ENOPH1: variants seen among roughly 807,000 people sequenced by gnomAD.
The protein encoded by ENOPH1 is enolase-phosphatase E1.
In ENOPH1, 14 loss-of-function variants were observed where a neutral mutation model predicts 31.1. The observed-to-expected ratio is 0.45, with a 90% CI of 0.30 to 0.70. ENOPH1 has a LOEUF of 0.70. ENOPH1 is among the 30% of genes least tolerant of loss of function. ENOPH1 has a pLI of 0.09. For synonymous variants in ENOPH1, 127 were observed against 123.2 expected (o/e 1.03, Z -0.21); for missense variants, 243 against 321.5 (o/e 0.76, Z 1.87).
rs1722237876 is a variant in ENOPH1 at position 82,447,938 on chromosome 4, A to G, written c.103A>G (p.Ile35Val). 9 of 1,607,996 alleles carry G rather than the reference A, an allele frequency of 5.6e-6. No individual in the cohort carries two copies. In the East Asian group the frequency reaches 2.0e-4, roughly 36 times the overall value. Residue 35 changes from isoleucine to valine, a missense_variant, in exon 2 of 6, where the codon ATC becomes GTC. Ile to Val is a conservative substitution (Grantham distance 29). Coordinates refer to ENST00000273920, the MANE Select transcript of ENOPH1 (RefSeq NM_021204.5). ...AFVKDILFPY[I>V]EENVKEYLQT... ...TATCCAGGACATTTTATTTCCTTAC[A>G]TCGAAGAAAATGTTAAAGAGTATCT...
chr4:82,455,819 A>G (rs970513093), intron 4 of ENOPH1, among the ~76,000 whole-genome samples: 16 of 152,166 alleles, frequency 1.1e-4, no homozygotes, highest in African/African-American at 3.9e-4. Flanking sequence ...TTAACTTACA[A>G]TAGGTAACTT....
chr4:82,457,523 A>C (rs762039490), intron 5 of ENOPH1, among the ~76,000 whole-genome samples: 6 of 152,162 alleles, frequency 3.9e-5, no homozygotes, highest in Non-Finnish European at 8.8e-5. Context: ...AAAAAGAATG[A>C]ACCAACTCTG....
chr4:82,451,065 A>G lies in ENOPH1; in HGVS notation c.209A>G (p.Asp70Gly), dbSNP rs1439727068. ...RKQAEEDAHL[D>G]GAVPIPAASG... ...AAGGCTGAAGAGGACGCCCACCTGGATGGGGCTGTTCCTATCCCTGCAGCA... is the reference window on the plus strand; with the variant it reads ...AAGGCTGAAGAGGACGCCCACCTGGGTGGGGCTGTTCCTATCCCTGCAGCA... Residue 70 changes from aspartate (D) to glycine (G), a missense_variant, in exon 3 of 6, where the codon GAT becomes GGT. By Grantham distance (94) the Asp-to-Gly change is moderately conservative. Transcript: ENST00000273920. 2 of 1,614,128 alleles carry G rather than the reference A, an allele frequency of 1.2e-6. No homozygotes were observed. The highest frequency in any genetic ancestry group is 2.2e-5 in the East Asian group (1 of 44,882).
intron 1 of ENOPH1, among the ~76,000 whole-genome samples, chr4:82,434,892 G>A (rs1424617990): frequency 1.4e-5 from 2 of 147,318 alleles, no homozygotes; most frequent in Non-Finnish European, 3.0e-5. Context: ...GAGTGACAGA[G>A]CGAGACTGTC....
chr4:82,446,445 G>A (rs888273787), intron 1 of ENOPH1, among the ~76,000 whole-genome samples: 2 of 151,688 alleles, frequency 1.3e-5, no homozygotes, highest in African/African-American at 4.9e-5. Context: ...AACATATTAA[G>A]TGGTAAGATG....
chr4:82,452,333 C>T (rs776211094), intron 3 of ENOPH1, among the ~76,000 whole-genome samples: 6 of 151,802 alleles, frequency 4.0e-5, no homozygotes, highest in Admixed American at 2.0e-4. Flanking sequence ...GCTTTGAGAC[C>T]GAGTCTTGCT....
intron 5 of ENOPH1, among the ~76,000 whole-genome samples, chr4:82,457,768 T>C (rs17005678): frequency 0.05 from 7,644 of 152,282 alleles, 556 homozygotes; most frequent in Admixed American, 0.2. Context: ...CCATTTGTGA[T>C]CCCCGGACCT....
intron 1 of ENOPH1, among the ~76,000 whole-genome samples, chr4:82,442,381 G>A (rs765169259): frequency 3.9e-5 from 6 of 152,208 alleles, no homozygotes; most frequent in Middle Eastern, 3.4e-3. Flanking sequence ...TCAGTTGGGC[G>A]TGGTGGCACA....
intron 3 of ENOPH1, among the ~76,000 whole-genome samples, chr4:82,453,215 G>C (rs998829853): frequency 2.0e-5 from 3 of 152,144 alleles, no homozygotes; most frequent in African/African-American, 7.2e-5. Flanking sequence ...AAATTCTTAA[G>C]GATTTTAGGC....
chr4:82,431,244 G>A (rs1721748544), intron 1 of ENOPH1, among the ~76,000 whole-genome samples: 4 of 152,264 alleles, frequency 2.6e-5, no homozygotes, highest in African/African-American at 4.8e-5. Flanking sequence ...GTGTGCACCC[G>A]GTCGCTTCCG....
intron 1 of ENOPH1, among the ~76,000 whole-genome samples, chr4:82,441,841 C>A (rs1722051138): frequency 6.6e-6 from 1 of 152,108 alleles, no homozygotes; most frequent in Non-Finnish European, 1.5e-5. Flanking sequence ...ATTACATTTT[C>A]CTAATACTAT....
At chr4:82,449,492 C>G (rs1469965560) in intron 2 of ENOPH1, among the ~76,000 whole-genome samples, 3 of 152,102 alleles carry the variant, frequency 2.0e-5, no homozygotes, top group African/African-American at 7.2e-5. Flanking sequence ...GCAGGCGTCT[C>G]AGATGGTGAA....
chr4:82,455,659 A>G (rs1286240704), intron 4 of ENOPH1, among the ~76,000 whole-genome samples: 5 of 151,620 alleles, frequency 3.3e-5, no homozygotes, highest in African/African-American at 4.8e-5. Context: ...GGTGGCGGGC[A>G]CCTGTAGTCC....
At chr4:82,442,999 G>T (rs1316465072) in intron 1 of ENOPH1, among the ~76,000 whole-genome samples, 1 of 152,134 alleles carries the variant, frequency 6.6e-6, no homozygotes, top group Non-Finnish European at 1.5e-5. Context: ...TAGAGAGGGG[G>T]TTTCACCATG....
At chr4:82,441,149 A>G (rs1578095263) in intron 1 of ENOPH1, among the ~76,000 whole-genome samples, 2 of 152,348 alleles carry the variant, frequency 1.3e-5, no homozygotes, top group South Asian at 4.1e-4. Context: ...GTCTGTTCTC[A>G]TGCTGCTAAT....
At chr4:82,454,079 T>C (rs1005406073) in intron 3 of ENOPH1, among the ~76,000 whole-genome samples, 1 of 146,186 alleles carries the variant, frequency 6.8e-6, no homozygotes, top group Non-Finnish European at 1.5e-5. Context: ...CTGGGGGTGG[T>C]AGCACATGCT....
chr4:82,445,694 T>C (rs1454318099), intron 1 of ENOPH1, among the ~76,000 whole-genome samples: 3 of 152,126 alleles, frequency 2.0e-5, no homozygotes, highest in African/African-American at 7.2e-5. Flanking sequence ...CTTACTGCCT[T>C]GGCCTCCCAA....
chr4:82,459,481 TAG>T (rs1321601204), intron 5 of ENOPH1, among the ~76,000 whole-genome samples: 2 of 152,074 alleles, frequency 1.3e-5, no homozygotes, highest in African/African-American at 4.8e-5. Flanking sequence ...TTTGTAGAGA[TAG>T]AGTTTCACCA....
At chr4:82,454,480 C>T (rs1722432130) in intron 3 of ENOPH1, among the ~76,000 whole-genome samples, 1 of 152,186 alleles carries the variant, frequency 6.6e-6, no homozygotes, top group Non-Finnish European at 1.5e-5. Flanking sequence ...TTTTTACTGT[C>T]ACTAGTGGCT....
Sources: allele counts gnomAD v4.1 joint callset (sites outside exome capture counted in the v4.1 genomes callset), GRCh38; gene constraint gnomAD v4.1.1; transcripts MANE v1.5; gene names NCBI Gene and HGNC (gene_info 2026-07-23, HGNC 2026-07-21).